The following ZNF536 variants were observed in gnomAD, a reference collection of about 807,000 sequenced individuals.
ZNF536 encodes zinc finger protein 536.
A neutral mutation model predicts 84.5 loss-of-function variants in ZNF536; 13 were observed. That is an observed-to-expected ratio of 0.15 (90% CI 0.10 to 0.24). The LOEUF (loss-of-function observed/expected upper bound fraction) is 0.24. Ranked by LOEUF, ZNF536 falls within the 10% of genes least tolerant of loss-of-function variation. The pLI, the probability that ZNF536 is intolerant of heterozygous loss-of-function variation, is 1.00. For synonymous variants in ZNF536, 811 were observed against 742.5 expected (o/e 1.09, Z -1.50); for missense variants, 1,536 against 1,747.5 (o/e 0.88, Z 2.16).
At chr19:30,271,294 C>CTTTTTTTTTTTTTTTTTT (rs879683203) in intron 1 of ZNF536, among the ~76,000 whole-genome samples, 3 of 103,198 alleles carry the variant, frequency 2.9e-5, no homozygotes, top group Admixed American at 1.1e-4. Context: ...GTGTTTTTTT[C>CTTTTTTTTTTTTTTTTTT]TTTTCTTTTT....
intron 3 of ZNF536, among the ~76,000 whole-genome samples, chr19:30,541,598 G>A (rs988948267): frequency 2.0e-5 from 3 of 152,144 alleles, no homozygotes; most frequent in Non-Finnish European, 2.9e-5. Context: ...TTCCTTAAAA[G>A]TTGAAGAGGT....
At chr19:30,251,376 C>A (rs1438154396) in intron 1 of ZNF536, among the ~76,000 whole-genome samples, 2 of 152,024 alleles carry the variant, frequency 1.3e-5, no homozygotes, top group Non-Finnish European at 2.9e-5. Context: ...TGCAAATGGC[C>A]TTAGGAAAAG....
intron 2 of ZNF536, among the ~76,000 whole-genome samples, chr19:30,446,275 G>A (rs12977680): frequency 0.069 from 3,598 of 52,240 alleles, 60 homozygotes; most frequent in African/African-American, 0.14. Context: ...AAAAAAAAAA[G>A]AAAGAAAGAA....
At chr19:30,414,713 T>C (rs930631942) in intron 1 of ZNF536, among the ~76,000 whole-genome samples, 1 of 152,238 alleles carries the variant, frequency 6.6e-6, no homozygotes, top group Non-Finnish European at 1.5e-5. Context: ...AAAACCATTA[T>C]GTACTACCCA....
chr19:30,252,384 C>G (rs1217466040), intron 1 of ZNF536, among the ~76,000 whole-genome samples: 2 of 152,278 alleles, frequency 1.3e-5, no homozygotes, highest in East Asian at 3.9e-4. Context: ...CTCCTAGTCT[C>G]CCCAGGGGGA....
At position 30,529,846 on chromosome 19, in the gene ZNF536, C is replaced by T. The variant is rs377362502; in HGVS notation, c.2171-5001C>T. Among the ~76,000 whole-genome samples, 13 of 152,334 alleles carry T rather than the reference C, an allele frequency of 8.5e-5. 1 individual carries two copies. The highest frequency in any genetic ancestry group is 3.1e-4 in the African/African-American group (13 of 41,568). ...AGTCTAGGAGGGTTGCAAATATGGC[C>T]TGTGTCTGCCTGGAATATTATTCGT... On this transcript the variant is annotated intron_variant, in intron 2 of 4. Coordinates refer to ENST00000355537, the MANE Select transcript of ZNF536 (RefSeq NM_014717.3).
At chr19:30,249,343 G>A (rs1252426295) in intron 1 of ZNF536, among the ~76,000 whole-genome samples, 1 of 149,122 alleles carries the variant, frequency 6.7e-6, no homozygotes, top group African/African-American at 2.5e-5. Context: ...GAAGGAGAAG[G>A]AGGAGAAGGA....
intron 1 of ZNF536, among the ~76,000 whole-genome samples, chr19:30,672,070 C>T (rs1200000869): frequency 1.3e-5 from 2 of 152,266 alleles, no homozygotes; most frequent in African/African-American, 4.8e-5. Context: ...TCACCCGATT[C>T]CCATCTCAAC....
intron 2 of ZNF536, among the ~76,000 whole-genome samples, chr19:30,504,435 C>G (rs1599615196): frequency 6.9e-6 from 1 of 144,528 alleles, no homozygotes; most frequent in Non-Finnish European, 1.5e-5. Context: ...TTCCTTCCTT[C>G]CTTCCTTCCT....
At chr19:30,430,593 A>C (rs2051412657) in intron 1 of ZNF536, among the ~76,000 whole-genome samples, 3 of 152,230 alleles carry the variant, frequency 2.0e-5, no homozygotes, top group Admixed American at 1.3e-4. Context: ...TCCCAAGATT[A>C]CTAGGCACAG....
intron 2 of ZNF536, among the ~76,000 whole-genome samples, chr19:30,504,957 G>GA (rs55913311): frequency 0.11 from 16,695 of 152,010 alleles, 1,086 homozygotes; most frequent in Non-Finnish European, 0.15. Context: ...AGTAATCAAA[G>GA]AAAAAATTCA....
intron 2 of ZNF536, among the ~76,000 whole-genome samples, chr19:30,461,934 C>G (rs909631870): frequency 1.3e-5 from 2 of 152,204 alleles, no homozygotes; most frequent in African/African-American, 4.8e-5. Flanking sequence ...TCTCCACCCC[C>G]ACCCCTTCTC....
chr19:30,658,352 T>TC (rs1320822279), intron 1 of ZNF536, among the ~76,000 whole-genome samples: 1 of 151,924 alleles, frequency 6.6e-6, no homozygotes, highest in Non-Finnish European at 1.5e-5. Flanking sequence ...AAACCCAAGC[T>TC]CCCCTCAGCC....
chr19:30,443,443 C>A, intron 1 of ZNF536, 118 bp from the exon 2 acceptor site: 1 of 1,370,076 alleles, frequency 7.3e-7, no homozygotes, highest in Non-Finnish European at 9.6e-7. Context: ...ACAAGAATTC[C>A]TTAGCATGAT....
Position 30,309,865 on chromosome 19 carries a change from G to A in ZNF536, c.-120+25724G>A, listed in dbSNP as rs2146067927. ...TTGCTCGAAAAGTTTGGTGATGAAA[G>A]TTTTTCCTTCCTTGGCTTTTTCTGG... On this transcript the variant is annotated intron_variant, in intron 2 of 5. Transcript: ENST00000585628. Among the ~76,000 whole-genome samples the A allele has an allele frequency of 1.3e-5, 2 of 152,222 alleles. 1 individual carries two copies. The highest frequency in any genetic ancestry group is 4.2e-4 in the South Asian group (2 of 4,812).
chr19:30,245,567 T>C (rs777218973), intron 1 of ZNF536, among the ~76,000 whole-genome samples: 143 of 152,364 alleles, frequency 9.4e-4, no homozygotes, highest in Non-Finnish European at 1.3e-3. Flanking sequence ...CCATGACGCA[T>C]CCTTTGTTCC....
chr19:30,581,659 C>T (rs2046925057), intron 1 of ZNF536, among the ~76,000 whole-genome samples: 1 of 151,954 alleles, frequency 6.6e-6, no homozygotes. Flanking sequence ...AAGGAGTGGG[C>T]CAGCGCAATG....
At chr19:30,425,478 G>A (rs1238477076) in intron 1 of ZNF536, among the ~76,000 whole-genome samples, 3 of 152,168 alleles carry the variant, frequency 2.0e-5, no homozygotes, top group Admixed American at 6.5e-5. Context: ...AGCCTCAGGT[G>A]CTGTTTGATC....
At chr19:30,643,645 A>C (rs935894788) in intron 1 of ZNF536, among the ~76,000 whole-genome samples, 4 of 151,978 alleles carry the variant, frequency 2.6e-5, no homozygotes, top group Non-Finnish European at 5.9e-5. Context: ...AGCTATCGCA[A>C]AGCAATTTCT....
Sources: gnomAD v4.1 joint callset for allele counts (sites outside exome capture counted in the v4.1 genomes callset) on GRCh38, gnomAD v4.1.1 for gene constraint, MANE v1.5 for transcripts, NCBI Gene and HGNC (gene_info 2026-07-23, HGNC 2026-07-21) for gene names.